Variants in TAFA5 observed in about 807,000 individuals in gnomAD.
TAFA5 encodes chemokine-like protein TAFA-5.
TAFA5 carries 6 observed loss-of-function variants against 15.3 expected under a neutral mutation model. The ratio of observed to expected loss-of-function variants is 0.39; its 90% CI spans 0.21 to 0.77. TAFA5 has a LOEUF of 0.77. TAFA5 is among the 30% of genes least tolerant of loss of function. The pLI, the probability that TAFA5 is intolerant of heterozygous loss-of-function variation, is 0.41. For synonymous variants in TAFA5, 103 were observed against 80.7 expected (o/e 1.28, Z -1.48); for missense variants, 161 against 193.1 (o/e 0.83, Z 0.98).
intron 1 of TAFA5, among the ~76,000 whole-genome samples, chr22:48,636,757 C>T (rs1926465993): frequency 6.6e-6 from 1 of 152,218 alleles, no homozygotes; most frequent in Admixed American, 6.5e-5. Flanking sequence ...GGGCCTGAGG[C>T]CTGCAGCTTG....
At chr22:48,576,266 C>G in intron 1 of TAFA5, 5 of 634,158 alleles carry the variant, frequency 7.9e-6, no homozygotes, top group African/African-American at 1.9e-5. Context: ...CCCTCCGCGG[C>G]GCCCCCCTCC....
At chr22:48,647,561 C>G (rs544530570) in intron 2 of TAFA5, among the ~76,000 whole-genome samples, 1 of 152,224 alleles carries the variant, frequency 6.6e-6, no homozygotes, top group South Asian at 2.1e-4. Context: ...TCCCCAAGGC[C>G]CAGTGTGTCC....
chr22:48,612,828 A>G (rs1159481034), intron 1 of TAFA5, among the ~76,000 whole-genome samples: 2 of 152,124 alleles, frequency 1.3e-5, no homozygotes, highest in Admixed American at 6.5e-5. Flanking sequence ...TTCTGTGCAC[A>G]GCAGGGTCCC....
In TAFA5 at chr22:48,634,120, G is replaced by GCTCACTCACTCA. The variant is rs71194366; in HGVS notation, c.113-12464_113-12453dup. Among the ~76,000 whole-genome samples the GCTCACTCACTCA allele has an allele frequency of 7.1e-3, 1,075 of 150,846 alleles. 12 individuals carry two copies. The highest frequency in any genetic ancestry group is 0.024 in the African/African-American group (993 of 41,040). On this transcript the variant is annotated intron_variant, in intron 1 of 3. Coordinates refer to ENST00000402357, the MANE Select transcript of TAFA5 (RefSeq NM_001082967.3). ...CCCTTTCCTTGACGTTCACTCACTC[G>GCTCACTCACTCA]CTCACTCACTCACTCACTCACTCAT...
intron 2 of TAFA5, among the ~76,000 whole-genome samples, chr22:48,701,869 C>T (rs556626613): frequency 4.6e-5 from 7 of 152,350 alleles, no homozygotes; most frequent in Admixed American, 4.6e-4. Context: ...CCTCCTGGAG[C>T]CCAAGGTTTT....
In TAFA5 at chr22:48,643,990, G is replaced by T. The variant is rs566741102; in HGVS notation, c.113-2607G>T. 3.3e-5 allele frequency among the ~76,000 whole-genome samples: 5 copies of T among 152,370 alleles called. No individual in the cohort carries two copies. The South Asian group carries it at 1.0e-3, about 32-fold the overall frequency. ...CGTAAATCACAACGTAAGAACGTGT[G>T]CTCGGGACCCGTCCAGATGCGTGTT... is the stretch of plus-strand genomic sequence containing the variant. On this transcript the variant is annotated intron_variant, in intron 1 of 3. Coordinates refer to ENST00000402357, the MANE Select transcript of TAFA5 (RefSeq NM_001082967.3).
intron 1 of TAFA5, among the ~76,000 whole-genome samples, chr22:48,585,321 A>C (rs1437120417): frequency 6.7e-6 from 1 of 150,180 alleles, no homozygotes; most frequent in Non-Finnish European, 1.5e-5. Flanking sequence ...CACATACAAA[A>C]TATTCACACA....
chr22:48,647,801 G>A (rs891199639), intron 2 of TAFA5, among the ~76,000 whole-genome samples: 4 of 152,122 alleles, frequency 2.6e-5, no homozygotes, highest in Non-Finnish European at 5.9e-5. Context: ...GGTTCTAGGC[G>A]CAGCAGCTTG....
At chr22:48,632,208 C>T (rs977336592) in intron 1 of TAFA5, among the ~76,000 whole-genome samples, 3 of 152,194 alleles carry the variant, frequency 2.0e-5, no homozygotes, top group South Asian at 4.1e-4. Flanking sequence ...CAACCCTTAC[C>T]GCCACGGGCC....
chr22:48,718,295 G>A (rs886687912), intron 3 of TAFA5, among the ~76,000 whole-genome samples: 1 of 152,112 alleles, frequency 6.6e-6, no homozygotes, highest in African/African-American at 2.4e-5. Context: ...AGCAAAGGCC[G>A]GGGCTGCTGG....
At chr22:48,623,956 T>C (rs1273191298) in intron 1 of TAFA5, among the ~76,000 whole-genome samples, 2 of 152,262 alleles carry the variant, frequency 1.3e-5, no homozygotes, top group East Asian at 3.8e-4. Context: ...CATTGGCTTG[T>C]CATCTTCAGC....
At chr22:48,597,007 G>A (rs1313865179) in intron 1 of TAFA5, among the ~76,000 whole-genome samples, 1 of 152,110 alleles carries the variant, frequency 6.6e-6, no homozygotes, top group Non-Finnish European at 1.5e-5. Context: ...AGGTCTCGCT[G>A]CGATGCCCTA....
chr22:48,495,928 C>A (rs1601833077), intron 1 of TAFA5, among the ~76,000 whole-genome samples: 1 of 152,236 alleles, frequency 6.6e-6, no homozygotes, highest in East Asian at 1.9e-4. Context: ...CAGCCTCCTG[C>A]CTACAGGGCC....
rs1921933229 is a variant in TAFA5, at chr22:48,530,410, G to A, written c.112+40706G>A. 6.6e-6 allele frequency among the ~76,000 whole-genome samples: 1 copy of A among 152,152 alleles called. No individual in the cohort carries two copies. The highest frequency in any genetic ancestry group is 6.5e-5 in the Admixed American group (1 of 15,272). ...AGGAATGCACCGGGCACTGTCGTGG[G>A]GCCGGCATTCAACTGAAAGGATTGG... On this transcript the variant is annotated intron_variant, in intron 1 of 3. Coordinates refer to ENST00000402357, the MANE Select transcript of TAFA5 (RefSeq NM_001082967.3). The surrounding 1 kb of genome is among the most constrained non-coding windows in gnomAD (Gnocchi z 6.0).
intron 3 of TAFA5, among the ~76,000 whole-genome samples, chr22:48,710,152 C>T (rs79945749): frequency 0.011 from 1,684 of 152,232 alleles, 33 homozygotes; most frequent in African/African-American, 0.037. Context: ...TGCAGCTCTG[C>T]AGCCGCTCCT....
At chr22:48,544,744 G>A (rs897756898) in intron 1 of TAFA5, 6 of 471,114 alleles carry the variant, frequency 1.3e-5, no homozygotes, top group Non-Finnish European at 2.6e-5. Flanking sequence ...TCCGGGCTGC[G>A]GGGAGGCTGA....
At chr22:48,601,225 G>T (rs553133217) in intron 1 of TAFA5, among the ~76,000 whole-genome samples, 5 of 152,290 alleles carry the variant, frequency 3.3e-5, no homozygotes, top group African/African-American at 9.6e-5. Context: ...TCCAGCATCC[G>T]CTGGGGGTCT....
chr22:48,674,058 G>T (rs1314884911), intron 2 of TAFA5, among the ~76,000 whole-genome samples: 1 of 140,232 alleles, frequency 7.1e-6, no homozygotes, highest in Non-Finnish European at 1.5e-5. Context: ...GGACTCCTCT[G>T]CCCGCCTCAC....
chr22:48,585,351 A>C (rs972849201), intron 1 of TAFA5, among the ~76,000 whole-genome samples: 1 of 150,302 alleles, frequency 6.7e-6, no homozygotes, highest in African/African-American at 2.5e-5. Context: ...AAAATACACC[A>C]CATACACATA....
Sources: allele counts gnomAD v4.1 joint callset (sites outside exome capture counted in the v4.1 genomes callset), GRCh38; gene constraint gnomAD v4.1.1; non-coding constraint Gnocchi (gnomAD v3.1); transcripts MANE v1.5; gene names NCBI Gene and HGNC (gene_info 2026-07-23, HGNC 2026-07-21).